SP100: variants seen among roughly 807,000 people sequenced by gnomAD.
SP100 encodes the protein nuclear autoantigen Sp-100.
Under a neutral mutation model 130.0 loss-of-function variants are expected in SP100, and 84 were observed. That is an observed-to-expected ratio of 0.65 (90% CI 0.54 to 0.77). SP100 has a LOEUF of 0.77. SP100 is among the 30% of genes least tolerant of loss of function. The pLI is 0.00. For synonymous variants in SP100, 331 were observed against 351.7 expected, an observed-to-expected ratio of 0.94 and a Z score of 0.66; for missense variants, 978 against 1,052.2, an observed-to-expected ratio of 0.93 and a Z score of 0.97.
intron 8 of SP100, among the ~76,000 whole-genome samples, chr2:230,458,621 G>A (rs143636786): frequency 2.0e-5 from 3 of 152,264 alleles, no homozygotes; most frequent in Non-Finnish European, 4.4e-5. Context: ...TCATGAAAAC[G>A]TAGAAATTAT....
intron 24 of SP100, chr2:230,520,654 A>G (rs1033457273): frequency 6.6e-6 from 1 of 152,232 alleles, no homozygotes; most frequent in African/African-American, 2.4e-5. Context: ...ACTACACCGG[A>G]ATGTTGACGA....
chr2:230,434,608 A>T (rs943913251), intron 2 of SP100, among the ~76,000 whole-genome samples: 13 of 152,296 alleles, frequency 8.5e-5, no homozygotes, highest in Middle Eastern at 6.8e-3. Flanking sequence ...GAGAAAAAAA[A>T]ATAGAGGCAG....
At chr2:230,470,195 C>T (rs1320485569) in intron 15 of SP100, 97 bp downstream of exon 15, 1 of 1,498,864 alleles carries the variant, frequency 6.7e-7, no homozygotes, top group Non-Finnish European at 8.9e-7. Context: ...TGAGCACCTT[C>T]ACTACCTTGT....
intron 2 of SP100, among the ~76,000 whole-genome samples, chr2:230,436,986 A>G (rs145496620): frequency 0.17 from 18,426 of 111,406 alleles, 1,478 homozygotes; most frequent in Non-Finnish European, 0.21. Context: ...ATACACACAC[A>G]TATATATGTG....
intron 17 of SP100, among the ~76,000 whole-genome samples, chr2:230,490,933 A>G (rs1465417833): frequency 3.3e-5 from 5 of 151,940 alleles, no homozygotes; most frequent in Non-Finnish European, 5.9e-5. Flanking sequence ...ACCTTGGAGA[A>G]TCTGATGATT....
chr2:230,529,166 C>T (rs1430181984), intron 24 of SP100, among the ~76,000 whole-genome samples: 1 of 152,074 alleles, frequency 6.6e-6, no homozygotes, highest in Non-Finnish European at 1.5e-5. Flanking sequence ...AACATCAATG[C>T]GAAACTCCTC....
At chr2:230,500,725 G>C (rs1235046895) in intron 19 of SP100, among the ~76,000 whole-genome samples, 1 of 152,100 alleles carries the variant, frequency 6.6e-6, no homozygotes, top group African/African-American at 2.4e-5. Context: ...CCTGCAACTT[G>C]AGCATCATGA....
intron 3 of SP100, 96 bp downstream of exon 3, chr2:230,443,195 A>G: frequency 2.5e-6 from 3 of 1,193,670 alleles, no homozygotes; most frequent in Non-Finnish European, 2.4e-6. Context: ...ACAATTTGCT[A>G]ACTGACAGGT....
chr2:230,444,326 T>G lies in SP100; in HGVS notation c.419T>G (p.Ile140Ser). ...NMQEYPDLIH[I>S]YKGFENVIHD... ...CAGGAATACCCCGATTTAATTCACA[T>G]TTATAAAGGCTTTGAAAATGGTAAT... Residue 140 changes from isoleucine (I) to serine (S), a missense_variant, in exon 4 of 29, where the codon ATT becomes AGT. Ile to Ser is a moderately radical substitution (Grantham distance 142). Coordinates refer to ENST00000340126, the MANE Select transcript of SP100 (RefSeq NM_001080391.2). 1 of 1,606,644 alleles carries G rather than the reference T, an allele frequency of 6.2e-7. No individual in the cohort carries two copies. The highest frequency in any genetic ancestry group is 8.5e-7 in the Non-Finnish European group (1 of 1,178,216).
chr2:230,427,399 T>C (rs538870433), intron 2 of SP100, among the ~76,000 whole-genome samples: 1 of 152,224 alleles, frequency 6.6e-6, no homozygotes, highest in East Asian at 1.9e-4. Context: ...CGACCTCAAG[T>C]GATCATCCGC....
intron 8 of SP100, among the ~76,000 whole-genome samples, chr2:230,458,674 G>A (rs1042702983): frequency 1.3e-5 from 2 of 152,156 alleles, no homozygotes; most frequent in Non-Finnish European, 1.5e-5. Flanking sequence ...GGAAGCCCAG[G>A]TGAAAGACCT....
rs1370398560 is a variant in SP100 at position 230,536,848 on chromosome 2, T to C, written c.2095-2419T>C. ...CCCTGGTATTTCAATAACAAAATCA[T>C]GGGTGACTTCCCTGTCTAAACAAAG... On this transcript the variant is annotated intron_variant, in intron 24 of 28. Transcript: ENST00000340126. 2.9e-5 allele frequency among the ~76,000 whole-genome samples: 4 copies of C among 138,774 alleles called. No homozygotes were observed. In the East Asian group the frequency reaches 8.1e-4, roughly 28 times the overall value. The allele number at this position is 138,774 out of a possible 152,430, so 91.0% of individuals were successfully genotyped here. A position where few individuals can be genotyped will look rare whatever the true frequency, so the allele number is the denominator to read the frequency against.
At chr2:230,461,886 T>C (rs1575657732) in intron 9 of SP100, among the ~76,000 whole-genome samples, 1 of 151,374 alleles carries the variant, frequency 6.6e-6, no homozygotes, top group African/African-American at 2.4e-5. Context: ...GATGCGGAAG[T>C]TGCAGTGAGC....
intron 16 of SP100, among the ~76,000 whole-genome samples, chr2:230,473,972 G>C (rs138027537): frequency 0.016 from 2,398 of 151,576 alleles, 61 homozygotes; most frequent in African/African-American, 0.055. Context: ...AAGACAAATA[G>C]TCCTGCTACC....
chr2:230,516,732 G>C (rs1690934036), intron 24 of SP100, among the ~76,000 whole-genome samples: 2 of 152,166 alleles, frequency 1.3e-5, no homozygotes, highest in South Asian at 4.1e-4. Flanking sequence ...AATGCTTGTA[G>C]AGAAAATTTT....
intron 11 of SP100, among the ~76,000 whole-genome samples, chr2:230,466,059 A>G (rs867559616): frequency 6.6e-6 from 1 of 151,540 alleles, no homozygotes; most frequent in Non-Finnish European, 1.5e-5. Context: ...GTGGTGCACA[A>G]CTATAATCCC....
At chr2:230,437,887 T>C (rs1318810946) in intron 2 of SP100, among the ~76,000 whole-genome samples, 1 of 152,214 alleles carries the variant, frequency 6.6e-6, no homozygotes, top group African/African-American at 2.4e-5. Context: ...CAAGATTAAA[T>C]ATTAAATCAC....
intron 1 of SP100, among the ~76,000 whole-genome samples, 200 bp from the exon 2 acceptor site, chr2:230,417,391 T>C (rs574067003): frequency 6.6e-6 from 1 of 152,242 alleles, no homozygotes; most frequent in Non-Finnish European, 1.5e-5. Flanking sequence ...ATGATAATTA[T>C]TTATTCTCCA....
At chr2:230,461,153 GGTGAAGGTCTAGCCCCAGCA>G in intron 8 of SP100, 89 bp from the exon 9 acceptor site, 4 of 987,102 alleles carry the variant, frequency 4.1e-6, no homozygotes, top group Admixed American at 2.4e-5. Context: ...ACGGAGGTGG[GGTGAAGGTCTAGCCCCAGCA>G]GTGAAATTGC....
Sources: gnomAD v4.1 joint callset for allele counts (sites outside exome capture counted in the v4.1 genomes callset) on GRCh38, gnomAD v4.1.1 for gene constraint, MANE v1.5 for transcripts, NCBI Gene and HGNC (gene_info 2026-07-23, HGNC 2026-07-21) for gene names.